NBEAL1: variants seen among roughly 807,000 people sequenced by gnomAD.
The protein encoded by NBEAL1 is neurobeachin like 1.
NBEAL1 carries 273 observed loss-of-function variants against 351.3 expected under a neutral mutation model. The ratio of observed to expected loss-of-function variants is 0.78; its 90% CI spans 0.70 to 0.86. The LOEUF (loss-of-function observed/expected upper bound fraction) is 0.86, where lower values mean the gene tolerates loss of function less well. Among genes scored for constraint, NBEAL1 ranks in the 40% least tolerant of loss-of-function variants. The probability of loss-of-function intolerance (pLI) is 0.00; values close to 1 mark genes in which losing one functional copy is unlikely to be tolerated. For synonymous variants in NBEAL1, 1,050 were observed against 1,086.4 expected (o/e 0.97, Z 0.66); for missense variants, 2,961 against 3,201.3 (o/e 0.92, Z 1.81).
intron 53 of NBEAL1, among the ~76,000 whole-genome samples, chr2:203,209,711 A>ATG (rs1491566182): frequency 1.2e-4 from 4 of 32,996 alleles, no homozygotes; most frequent in East Asian, 1.8e-3. Context: ...TATTTAATTA[A>ATG]TATGTGTGTG....
chr2:203,045,782 A>ATG (rs2061216066), intron 3 of NBEAL1, among the ~76,000 whole-genome samples: 3 of 152,198 alleles, frequency 2.0e-5, no homozygotes, highest in Non-Finnish European at 4.4e-5. Context: ...AGAAGAGGTA[A>ATG]CTATAAAGTA....
chr2:203,056,398 T>G (rs1007705737), intron 4 of NBEAL1, 29 bp from the exon 5 acceptor site: 11 of 1,276,316 alleles, frequency 8.6e-6, no homozygotes, highest in African/African-American at 1.5e-5. Flanking sequence ...CATTCTTATG[T>G]AAAAAATTAA....
intron 3 of NBEAL1, among the ~76,000 whole-genome samples, chr2:203,047,754 T>A (rs904587125): frequency 2.0e-5 from 3 of 151,058 alleles, no homozygotes; most frequent in African/African-American, 4.9e-5. Context: ...TTTTTTTTTT[T>A]TTTTTTTGAG....
chr2:203,173,535 CT>C (rs944345571), intron 41 of NBEAL1, among the ~76,000 whole-genome samples: 3 of 151,286 alleles, frequency 2.0e-5, no homozygotes, highest in East Asian at 1.9e-4. Flanking sequence ...GTAGGTGGTA[CT>C]TTTTTTTTCT....
rs552135739 is a variant in NBEAL1, at chr2:203,130,915, T to A, written c.3564+439T>A. On this transcript the variant is annotated intron_variant, in intron 25 of 55. Coordinates refer to ENST00000683969, the MANE Select transcript of NBEAL1 (RefSeq NM_001378026.1). ...TCATTTTACAGATGAAGAAACTGAGTCCAGAGAGATCAGTAACTTATAAAA... is the reference window on the plus strand; with the variant it reads ...TCATTTTACAGATGAAGAAACTGAGACCAGAGAGATCAGTAACTTATAAAA... 2.0e-5 allele frequency among the ~76,000 whole-genome samples: 3 copies of A among 152,296 alleles called. No homozygotes were observed. In the East Asian group the frequency reaches 5.8e-4, roughly 29 times the overall value.
intron 1 of NBEAL1, among the ~76,000 whole-genome samples, chr2:203,015,503 C>T (rs1245871320): frequency 1.3e-5 from 2 of 152,024 alleles, no homozygotes. Context: ...CTCTGTCGCC[C>T]AGACTGGAGT....
chr2:203,193,942 G>A lies in NBEAL1; in HGVS notation c.7038+31G>A, dbSNP rs762294540. ...ATCCTACTTGGTAATATCAAAAAGA[G>A]TTTTCTCTAAATTCTGTACATTTTA... On this transcript the variant is annotated intron_variant, in intron 47 of 55. Coordinates refer to ENST00000683969, the MANE Select transcript of NBEAL1 (RefSeq NM_001378026.1). 3 of 1,241,468 alleles carry A rather than the reference G, an allele frequency of 2.4e-6. No homozygotes were observed. In the South Asian group the frequency reaches 3.9e-5, roughly 16 times the overall value. The allele number at this position is 1,241,468 out of a possible 1,614,324, so 76.9% of individuals were successfully genotyped here.
rs750928841 is a variant in NBEAL1 at position 203,157,824 on chromosome 2, G to A, written c.5713G>A (p.Val1905Ile). 2.7e-5 allele frequency: 41 copies of A among 1,528,932 alleles called. No homozygotes were observed. The South Asian group carries it at 4.4e-4, about 17-fold the overall frequency. 94.7% of individuals were successfully genotyped at this position (1,528,932 alleles called of 1,614,324 possible). ...AGAGGATATAACAGCTAGAGTAAAT[G>A]TGTATGTATAAATATTTAAAATTAT... ...PEEDITARVN[V>I]DEKEEQDQKE... Residue 1905 changes from valine to isoleucine, a missense_variant and splice_region_variant, in exon 36 of 56, where the codon GTT (valine) becomes ATT (isoleucine). Transcript: ENST00000683969.
chr2:203,159,046 T>C (rs2063876300), intron 36 of NBEAL1, among the ~76,000 whole-genome samples: 3 of 152,040 alleles, frequency 2.0e-5, no homozygotes, highest in African/African-American at 7.3e-5. Flanking sequence ...CTCGAACCTC[T>C]GGGCCCACAT....
At chr2:203,206,994 C>A (rs1451472789) in intron 51 of NBEAL1, among the ~76,000 whole-genome samples, 1 of 151,958 alleles carries the variant, frequency 6.6e-6, no homozygotes, top group Non-Finnish European at 1.5e-5. Flanking sequence ...TCCCGGCCGC[C>A]ATCCCATCTA....
rs79157052 is a variant in NBEAL1 at position 203,174,150 on chromosome 2, CT to C, written c.6324-985del. On this transcript the variant is annotated intron_variant, in intron 41 of 55. Transcript: ENST00000683969. ...TTTCACAATTCTTGACTGGTTCTTC[CT>C]TTTTTTTTTTTCCTGTTACCTTGGC... Among the ~76,000 whole-genome samples the C allele has an allele frequency of 4.2e-3, 421 of 100,562 alleles. 4 individuals are homozygous for C. The highest frequency in any genetic ancestry group is 0.013 in the African/African-American group (341 of 26,048). 66.0% of individuals were successfully genotyped at this position (100,562 alleles called of 152,430 possible). A position where few individuals can be genotyped will look rare whatever the true frequency, so the allele number is the denominator to read the frequency against.
intron 2 of NBEAL1, among the ~76,000 whole-genome samples, chr2:203,016,771 G>T (rs1355092181): frequency 6.6e-6 from 1 of 152,172 alleles, no homozygotes; most frequent in East Asian, 1.9e-4. Flanking sequence ...ACAAGTGAGT[G>T]TAGGATAGAG....
intron 7 of NBEAL1, 47 bp from the exon 8 acceptor site, chr2:203,077,703 CTG>C: frequency 1.8e-6 from 2 of 1,087,272 alleles, no homozygotes; most frequent in Non-Finnish European, 2.5e-6. Context: ...ATAAATCATA[CTG>C]TGAAAGACAA....
intron 7 of NBEAL1, among the ~76,000 whole-genome samples, chr2:203,069,591 G>T (rs1230123164): frequency 1.3e-5 from 2 of 152,176 alleles, no homozygotes; most frequent in Non-Finnish European, 2.9e-5. Context: ...GTATATTTAG[G>T]TTGTGCGCAT....
intron 35 of NBEAL1, among the ~76,000 whole-genome samples, chr2:203,155,636 C>A (rs904843722): frequency 1.3e-5 from 2 of 151,974 alleles, no homozygotes; most frequent in African/African-American, 2.4e-5. Context: ...TTTGTAGAGA[C>A]AAGGTCGCCC....
At chr2:203,097,681 CAATGGG>C (rs1358889288) in intron 11 of NBEAL1, 48 bp downstream of exon 11, 1 of 671,020 alleles carries the variant, frequency 1.5e-6, no homozygotes, top group African/African-American at 2.0e-5. Flanking sequence ...CAAAATCAGC[CAATGGG>C]AATAACTATT....
At chr2:203,038,256 T>C (rs1415938815) in intron 2 of NBEAL1, among the ~76,000 whole-genome samples, 1 of 149,202 alleles carries the variant, frequency 6.7e-6, no homozygotes, top group Non-Finnish European at 1.5e-5. Context: ...GAGGAATGGC[T>C]GGGCTGTTTG....
chr2:203,088,708 A>G (rs1043360228), intron 10 of NBEAL1, among the ~76,000 whole-genome samples: 5 of 152,150 alleles, frequency 3.3e-5, no homozygotes, highest in African/African-American at 1.2e-4. Flanking sequence ...CACTTTCTAC[A>G]TGGAAGGCCC....
At chr2:203,076,883 C>A (rs971750434) in intron 7 of NBEAL1, among the ~76,000 whole-genome samples, 1 of 151,816 alleles carries the variant, frequency 6.6e-6, no homozygotes, top group Non-Finnish European at 1.5e-5. Flanking sequence ...TGAGCCACTG[C>A]GCCCAGCCTA....
Sources: gnomAD v4.1 joint callset for allele counts (sites outside exome capture counted in the v4.1 genomes callset) on GRCh38, gnomAD v4.1.1 for gene constraint, MANE v1.5 for transcripts, NCBI Gene and HGNC (gene_info 2026-07-23, HGNC 2026-07-21) for gene names.